Variants in TTC21B observed in about 807,000 individuals in gnomAD.
TTC21B encodes the protein tetratricopeptide repeat domain 21B.
In TTC21B, 127 loss-of-function variants were observed where a neutral mutation model predicts 175.1. That is an observed-to-expected ratio of 0.73 (90% CI 0.63 to 0.84). The LOEUF is 0.84. Among genes scored for constraint, TTC21B ranks in the 40% least tolerant of loss-of-function variants. The pLI is 0.00. For missense variants in TTC21B, 1,561 were observed against 1,558.3 expected (o/e 1.00, Z -0.03); for synonymous variants, 524 against 524.5 (o/e 1.00, Z 0.01).
rs536973252 is a variant in TTC21B at position 165,895,858 on chromosome 2, T to G, written c.2950+2828A>C. Among the ~76,000 whole-genome samples, 3 of 152,252 alleles carry G rather than the reference T, an allele frequency of 2.0e-5. No homozygotes were observed. The East Asian group carries it at 5.8e-4, about 29-fold the overall frequency. On this transcript the variant is annotated intron_variant, in intron 22 of 28. Transcript: ENST00000243344. ...AAATTGCCTGTGGTAGTCCCCATAT[T>G]AAATAAATTTAATTTATTTAATTAA...
At chr2:165,951,839 C>G (rs961637360) in intron 1 of TTC21B, among the ~76,000 whole-genome samples, 3 of 152,136 alleles carry the variant, frequency 2.0e-5, no homozygotes, top group Admixed American at 6.5e-5. Flanking sequence ...AGCTTATAAA[C>G]TCCTTTGGGA....
intron 1 of TTC21B, among the ~76,000 whole-genome samples, chr2:165,952,847 C>T (rs1400198110): frequency 1.3e-5 from 2 of 152,164 alleles, no homozygotes; most frequent in South Asian, 2.1e-4. Flanking sequence ...ATGTAAGCTC[C>T]AAGATTGGAA....
chr2:165,914,397 G>A (rs940674043), intron 15 of TTC21B, among the ~76,000 whole-genome samples: 2 of 152,030 alleles, frequency 1.3e-5, no homozygotes, highest in Non-Finnish European at 2.9e-5. Context: ...ATAATCTTCT[G>A]GAAATACCTT....
intron 6 of TTC21B, among the ~76,000 whole-genome samples, chr2:165,938,306 T>C (rs1687237272): frequency 2.6e-5 from 4 of 151,988 alleles, no homozygotes; most frequent in Admixed American, 2.6e-4. Context: ...AGAAGAGAAG[T>C]TTTTCTTTAT....
intron 25 of TTC21B, among the ~76,000 whole-genome samples, chr2:165,887,533 A>G (rs527718966): frequency 5.9e-5 from 9 of 152,062 alleles, no homozygotes; most frequent in Non-Finnish European, 1.3e-4. Flanking sequence ...CTAAAAATAC[A>G]AAAAATAGCC....
At position 165,888,388 on chromosome 2, in the gene TTC21B, T is replaced by G. The variant is rs148631747; in HGVS notation, c.3350A>C (p.Gln1117Pro). Residue 1117 changes from glutamine to proline, a missense_variant, in exon 25 of 29, where the codon CAG becomes CCG. Physicochemically the swap from Gln to Pro is moderately conservative, Grantham distance 76. Coordinates refer to ENST00000243344, the MANE Select transcript of TTC21B (RefSeq NM_024753.5). ...CATTATGCGAAGCTGTACGTGACCC[T>G]GAACAGTCTGAGGTTTTAGTTCCTT... is the stretch of plus-strand genomic sequence containing the variant. ...LLKELKPQTV[Q>P]GHVQLRIMEN... 5.0e-6 allele frequency: 8 copies of G among 1,613,738 alleles called. No homozygotes were observed. Among genetic ancestry groups the G allele is most frequent in the African/African-American group, 1.3e-5 (1 of 74,926 alleles).
At chr2:165,929,369 T>C in intron 10 of TTC21B, 34 bp from the exon 11 acceptor site, 2 of 1,529,148 alleles carry the variant, frequency 1.3e-6, no homozygotes, top group African/African-American at 1.4e-5. Flanking sequence ...AATTATTCCA[T>C]TTAGTTATAA....
chr2:165,935,927 A>C (rs1324665564), intron 6 of TTC21B, among the ~76,000 whole-genome samples: 2 of 151,132 alleles, frequency 1.3e-5, no homozygotes, highest in African/African-American at 4.8e-5. Context: ...CCCAATCAAA[A>C]TCCCAGCAAG....
At chr2:165,944,208 T>G (rs908306247) in intron 4 of TTC21B, among the ~76,000 whole-genome samples, 1 of 152,166 alleles carries the variant, frequency 6.6e-6, no homozygotes, top group African/African-American at 2.4e-5. Context: ...AAATTTTTCT[T>G]TTTCCAGAAA....
chr2:165,874,295 A>G lies in TTC21B; in HGVS notation c.*460T>C, dbSNP rs537286454. On this transcript the variant is annotated 3_prime_UTR_variant, in exon 29 of 29. Transcript: ENST00000243344. ...CAGGAGGCGGAGGTTGCAGTGAGCC[A>G]AGATCGTGCCACTGCACTCCAGCCT... The G allele has an allele frequency of 9.5e-4, 147 of 154,462 alleles. No individual in the cohort carries two copies. The highest frequency in any genetic ancestry group is 1.8e-3 in the Non-Finnish European group (122 of 69,700). The allele number at this position is 154,462 out of a possible 1,614,324, so 9.6% of individuals were successfully genotyped here. A position where few individuals can be genotyped will look rare whatever the true frequency, so the allele number is the denominator to read the frequency against.
intron 24 of TTC21B, 90 bp from the exon 25 acceptor site, chr2:165,888,564 G>A (rs576770441): frequency 1.0e-6 from 1 of 1,000,488 alleles, no homozygotes; most frequent in East Asian, 2.6e-5. Context: ...CAAAAGCTCT[G>A]GGCACTCTTT....
chr2:165,943,133 T>G, intron 5 of TTC21B, 86 bp downstream of exon 5: 1 of 1,426,546 alleles, frequency 7.0e-7, no homozygotes, highest in African/African-American at 1.4e-5. Context: ...ATTATCAACT[T>G]TTTTGAGCTA....
At chr2:165,918,499 G>A (rs1312563707) in intron 13 of TTC21B, among the ~76,000 whole-genome samples, 2 of 152,064 alleles carry the variant, frequency 1.3e-5, no homozygotes, top group African/African-American at 4.8e-5. Flanking sequence ...TTTTCACTGT[G>A]TTAGCCAGGA....
chr2:165,949,739 T>C lies in TTC21B; in HGVS notation c.22-15A>G. On this transcript the variant is annotated splice_polypyrimidine_tract_variant and intron_variant, in intron 1 of 28. Transcript: ENST00000243344. ...TTAATCAAAGTCTAAATGGAAATAA[T>C]GAAAAAATGTTATAAAGGAATTCTG... is the stretch of plus-strand genomic sequence containing the variant. 2 of 1,603,558 alleles carry C rather than the reference T, an allele frequency of 1.2e-6. No individual in the cohort carries two copies. Among genetic ancestry groups the C allele is most frequent in the Non-Finnish European group, 1.7e-6 (2 of 1,171,386 alleles).
intron 6 of TTC21B, chr2:165,934,111 C>T (rs1177645321): frequency 6.6e-6 from 1 of 152,124 alleles, no homozygotes; most frequent in East Asian, 1.9e-4. Flanking sequence ...TATGTCCTGA[C>T]ATTTGTGGTT....
At position 165,926,802 on chromosome 2, in the gene TTC21B, A is replaced by G. The variant is rs767255830; in HGVS notation, c.1387-2124T>C. Among the ~76,000 whole-genome samples, 8 of 151,722 alleles carry G rather than the reference A, an allele frequency of 5.3e-5. No individual in the cohort carries two copies. The East Asian group carries it at 1.6e-3, about 29-fold the overall frequency. On this transcript the variant is annotated intron_variant, in intron 11 of 28. Transcript: ENST00000243344. ...CTAGACAGGCTTAGCCTCCCAGTCT[A>G]CATCTTTCTCCCATGCTGGATGCTT...
At position 165,952,669 on chromosome 2, in the gene TTC21B, T is replaced by C. The variant is rs191186139; in HGVS notation, c.21+1016A>G. ...AAGGGAATAAAAAAATGTAAGGATA[T>C]AGGGGGATAGCTAGAACAGAGGATA... On this transcript the variant is annotated intron_variant, in intron 1 of 28. Transcript: ENST00000243344. 1.2e-4 allele frequency among the ~76,000 whole-genome samples: 19 copies of C among 152,300 alleles called. No individual in the cohort carries two copies. The East Asian group carries it at 3.5e-3, about 28-fold the overall frequency.
rs777338801 is a variant in TTC21B at position 165,913,565 on chromosome 2, A to G, written c.2211+9T>C. ...TAAAAATGCAGTTCAGTAACATCAG[A>G]AATTTTACCTCTAGAATATTCATGT... is the stretch of plus-strand genomic sequence containing the variant. On this transcript the variant is annotated intron_variant, in intron 16 of 28. Coordinates refer to ENST00000243344, the MANE Select transcript of TTC21B (RefSeq NM_024753.5). 1.2e-6 allele frequency: 2 copies of G among 1,601,956 alleles called. No homozygotes were observed. The highest frequency in any genetic ancestry group is 3.3e-5 in the Admixed American group (2 of 59,952).
intron 1 of TTC21B, among the ~76,000 whole-genome samples, chr2:165,950,410 G>A (rs995270251): frequency 2.0e-5 from 3 of 152,008 alleles, no homozygotes; most frequent in Non-Finnish European, 4.4e-5. Flanking sequence ...TTTTTCCTAC[G>A]ATTATGTCTA....
Sources: allele counts gnomAD v4.1 joint callset (sites outside exome capture counted in the v4.1 genomes callset), GRCh38; gene constraint gnomAD v4.1.1; transcripts MANE v1.5; gene names NCBI Gene and HGNC (gene_info 2026-07-23, HGNC 2026-07-21).